PDE9A: variants seen among roughly 807,000 people sequenced by gnomAD.
PDE9A encodes phosphodiesterase 9A.
A neutral mutation model predicts 87.4 loss-of-function variants in PDE9A; 60 were observed. That is an observed-to-expected ratio of 0.69 (90% confidence interval 0.56 to 0.85). PDE9A has a LOEUF of 0.85. PDE9A is among the 40% of genes least tolerant of loss of function. The pLI, the probability that PDE9A is intolerant of heterozygous loss-of-function variation, is 0.00. For missense variants in PDE9A, 665 were observed against 779.0 expected (o/e 0.85, Z 1.74); for synonymous variants, 272 against 279.4 (o/e 0.97, Z 0.27).
intron 4 of PDE9A, among the ~76,000 whole-genome samples, chr21:42,713,744 C>T (rs1469539619): frequency 6.6e-6 from 1 of 151,876 alleles, no homozygotes; most frequent in South Asian, 2.1e-4. Context: ...ACTGAGAGTA[C>T]ATTTTGCATT....
intron 7 of PDE9A, among the ~76,000 whole-genome samples, chr21:42,737,622 TA>T (rs2052599962): frequency 6.6e-6 from 1 of 152,144 alleles, no homozygotes; most frequent in Non-Finnish European, 1.5e-5. Context: ...CATGTCCGGC[TA>T]ATTTTTGTAT....
At chr21:42,765,190 A>T (rs893037984) in intron 14 of PDE9A, among the ~76,000 whole-genome samples, 191 bp from the exon 15 acceptor site, 1 of 152,258 alleles carries the variant, frequency 6.6e-6, no homozygotes, top group East Asian at 1.9e-4. Flanking sequence ...GGGTGGATGG[A>T]TGGATGAATG....
At chr21:42,733,470 C>A (rs753531000) in intron 7 of PDE9A, 44 bp downstream of exon 7, 11 of 1,158,980 alleles carry the variant, frequency 9.5e-6, no homozygotes, top group Non-Finnish European at 1.4e-5. Flanking sequence ...TGTCCTTTAA[C>A]CTCTATTCAA....
Position 42,722,671 on chromosome 21 carries a change from T to C in PDE9A, c.263-9099T>C, listed in dbSNP as rs1269484904. On this transcript the variant is annotated intron_variant, in intron 4 of 19. Coordinates refer to ENST00000291539, the MANE Select transcript of PDE9A (RefSeq NM_002606.3). The surrounding 1 kb of genome is among the most constrained non-coding windows in gnomAD (Gnocchi z 4.1). ...TTGCCTAGGGGAGAAAAGTACACAT[T>C]CCCATCAGCTCAGGTGCGTGGAGGA... Among the ~76,000 whole-genome samples, 1 of 152,144 alleles carries C rather than the reference T, an allele frequency of 6.6e-6. No individual in the cohort carries two copies. The highest frequency in any genetic ancestry group is 2.4e-5 in the African/African-American group (1 of 41,424).
At chr21:42,753,968 A>C (rs2054725642) in intron 9 of PDE9A, 22 bp from the exon 10 acceptor site, 2 of 1,541,848 alleles carry the variant, frequency 1.3e-6, no homozygotes. Context: ...CCTGGTTAAC[A>C]CGGAACTCCT....
intron 18 of PDE9A, among the ~76,000 whole-genome samples, chr21:42,771,862 C>T (rs1408999224): frequency 6.6e-6 from 1 of 152,258 alleles, no homozygotes; most frequent in Non-Finnish European, 1.5e-5. Flanking sequence ...TTGATGTCTC[C>T]TACTGGAAAG....
intron 19 of PDE9A, among the ~76,000 whole-genome samples, chr21:42,773,901 G>A (rs546915907): frequency 2.2e-4 from 34 of 151,450 alleles, no homozygotes; most frequent in Admixed American, 1.6e-3. Context: ...TCAGGAGATC[G>A]AGACCATCCT....
intron 8 of PDE9A, among the ~76,000 whole-genome samples, chr21:42,745,613 G>GC (rs1187722603): frequency 2.0e-5 from 3 of 152,224 alleles, no homozygotes; most frequent in African/African-American, 7.2e-5. Context: ...TTCACCTGTG[G>GC]CACCGCCCTT....
Position 42,690,148 on chromosome 21 carries a change from G to A in PDE9A, c.218+2154G>A, listed in dbSNP as rs199692110. On this transcript the variant is annotated intron_variant, in intron 3 of 19. Coordinates refer to ENST00000291539, the MANE Select transcript of PDE9A (RefSeq NM_002606.3). ...ACAGGTGGAGAAGATGGAGGTAGACGCGGATGAGGATACAGGTGGAGAAGA... is the reference window on the plus strand; with the variant it reads ...ACAGGTGGAGAAGATGGAGGTAGACACGGATGAGGATACAGGTGGAGAAGA... 5.6e-5 allele frequency: 52 copies of A among 923,030 alleles called. No homozygotes were observed. In the East Asian group the frequency reaches 1.3e-3, roughly 24 times the overall value. The allele number at this position is 923,030 out of a possible 1,614,324, so 57.2% of individuals were successfully genotyped here.
chr21:42,743,494 G>C (rs2053522437), intron 7 of PDE9A, among the ~76,000 whole-genome samples: 2 of 152,228 alleles, frequency 1.3e-5, no homozygotes, highest in Admixed American at 6.5e-5. Flanking sequence ...TCAGGGAGTG[G>C]AGAGTGGGGA....
chr21:42,757,000 A>C (rs1160517451), intron 10 of PDE9A: 1 of 152,348 alleles, frequency 6.6e-6, no homozygotes, highest in Non-Finnish European at 1.5e-5. Context: ...GGTCAGGTGG[A>C]GAGCGAGGAG....
chr21:42,653,736 G>GCCCCCC lies in PDE9A; in HGVS notation c.-78_-77insCCCCCC, dbSNP rs2056818538. On this transcript the variant is annotated 5_prime_UTR_variant, in exon 1 of 20. Transcript: ENST00000291539. ...CCGCCCCCCGCCCGCCCCCTCCCCT[G>GCCCCCC]CTCCCCTCCCCCGCCTCCCGCGGCG... 5.7e-5 allele frequency: 21 copies of GCCCCCC among 369,104 alleles called. No individual in the cohort carries two copies. In the East Asian group the frequency reaches 1.3e-3, roughly 22 times the overall value. The allele number at this position is 369,104 out of a possible 1,614,324, so 22.9% of individuals were successfully genotyped here.
intron 7 of PDE9A, chr21:42,734,653 A>G (rs1255582478): frequency 1.3e-5 from 2 of 152,238 alleles, no homozygotes; most frequent in Admixed American, 6.5e-5. Flanking sequence ...GCTCAATGCA[A>G]CCTTCGCCTC....
chr21:42,762,407 A>C (rs2269169), intron 14 of PDE9A, among the ~76,000 whole-genome samples, 168 bp downstream of exon 14: 52,220 of 152,146 alleles, frequency 0.34, 9,097 homozygotes, highest in South Asian at 0.5. Flanking sequence ...CCCAGAGTGG[A>C]GCCCCAAAAA....
rs552474293 is a variant in PDE9A, at chr21:42,695,516, C to T, written c.219-3452C>T. On this transcript the variant is annotated intron_variant, in intron 3 of 19. Coordinates refer to ENST00000291539, the MANE Select transcript of PDE9A (RefSeq NM_002606.3). This position sits in a 1 kb window ranked among gnomAD's most constrained non-coding sequence, Gnocchi z 4.3. ...GAGAGGGCCAGAGGACGGCGCCGTG[C>T]GACACACACCATTGCTCCTTTTGTT... is the stretch of plus-strand genomic sequence containing the variant. Among the ~76,000 whole-genome samples, 37 of 152,286 alleles carry T rather than the reference C, an allele frequency of 2.4e-4. No homozygotes were observed. Among genetic ancestry groups the T allele is most frequent in the East Asian group, 1.2e-3 (6 of 5,176 alleles).
At chr21:42,677,950 C>T (rs1301874636) in intron 1 of PDE9A, among the ~76,000 whole-genome samples, 8 of 152,214 alleles carry the variant, frequency 5.3e-5, no homozygotes, top group African/African-American at 1.9e-4. Context: ...GCCTAGTTAT[C>T]TTGTTTGTCC....
chr21:42,752,660 A>G (rs148625072), intron 9 of PDE9A, among the ~76,000 whole-genome samples: 88 of 152,366 alleles, frequency 5.8e-4, no homozygotes, highest in African/African-American at 2.0e-3. Context: ...CGTGAAGCAC[A>G]GCCTAGATCC....
chr21:42,720,672 T>G (rs1034315348), intron 4 of PDE9A, among the ~76,000 whole-genome samples: 1 of 152,192 alleles, frequency 6.6e-6, no homozygotes, highest in South Asian at 2.1e-4. Context: ...TGTCATGACT[T>G]GGCCTCTCTC....
intron 4 of PDE9A, among the ~76,000 whole-genome samples, chr21:42,726,624 A>ATATATATATATTT: frequency 1.0e-4 from 2 of 19,776 alleles, no homozygotes; most frequent in Non-Finnish European, 1.5e-4. Flanking sequence ...ATATATATAT[A>ATATATATATATTT]TTTTTTTTTT....
Sources: gnomAD v4.1 joint callset for allele counts (sites outside exome capture counted in the v4.1 genomes callset) on GRCh38, gnomAD v4.1.1 for gene constraint, Gnocchi (gnomAD v3.1) non-coding constraint, MANE v1.5 for transcripts, NCBI Gene and HGNC (gene_info 2026-07-23, HGNC 2026-07-21) for gene names.